The following STRN variants were observed in gnomAD, a reference collection of about 807,000 sequenced individuals.
The protein encoded by STRN is protein phosphatase 2 regulatory subunit B'''alpha.
A neutral mutation model predicts 96.3 loss-of-function variants in STRN; 53 were observed. The ratio of observed to expected loss-of-function variants is 0.55; its 90% CI spans 0.44 to 0.69. STRN has a LOEUF of 0.69. STRN is among the 30% of genes least tolerant of loss of function. The pLI, the probability that STRN is intolerant of heterozygous loss-of-function variation, is 0.00. For synonymous variants in STRN, 428 were observed against 355.9 expected, an observed-to-expected ratio of 1.20 and a Z score of -2.28; for missense variants, 987 against 963.9, an observed-to-expected ratio of 1.02 and a Z score of -0.32.
intron 1 of STRN, among the ~76,000 whole-genome samples, chr2:36,939,902 C>A (rs1670803762): frequency 6.6e-6 from 1 of 152,128 alleles, no homozygotes; most frequent in East Asian, 1.9e-4. Context: ...AAGGAATAAT[C>A]CTGAAAAGAA....
At chr2:36,963,260 C>T (rs1665072696) in intron 1 of STRN, among the ~76,000 whole-genome samples, 1 of 152,130 alleles carries the variant, frequency 6.6e-6, no homozygotes, top group Non-Finnish European at 1.5e-5. Context: ...TCTTCCCTGG[C>T]AACCTGAAAG....
Position 36,851,240 on chromosome 2 carries a change from G to A in STRN, c.1979-133C>T, listed in dbSNP as rs549260336. 199 of 608,902 alleles carry A rather than the reference G, an allele frequency of 3.3e-4. 4 individuals carry two copies. The South Asian group carries it at 3.3e-3, about 10-fold the overall frequency. 37.7% of individuals were successfully genotyped at this position (608,902 alleles called of 1,614,324 possible). A position where few individuals can be genotyped will look rare whatever the true frequency, so the allele number is the denominator to read the frequency against. On this transcript the variant is annotated intron_variant, in intron 15 of 17. Transcript: ENST00000263918. Reference sequence around the variant, plus strand: ...TGGCTCACGCCTGTAATCCAAGCACGTTGGGAGGCCAAGGTGGGTGGATCA... The same window carrying A: ...TGGCTCACGCCTGTAATCCAAGCACATTGGGAGGCCAAGGTGGGTGGATCA...
At chr2:36,880,576 G>T (rs1669043508) in intron 9 of STRN, among the ~76,000 whole-genome samples, 1 of 151,990 alleles carries the variant, frequency 6.6e-6, no homozygotes, top group Non-Finnish European at 1.5e-5. Flanking sequence ...AATAAACATA[G>T]GTTTTACCCA....
intron 1 of STRN, among the ~76,000 whole-genome samples, chr2:36,931,179 A>T (rs1285743303): frequency 2.0e-5 from 3 of 152,110 alleles, no homozygotes; most frequent in Non-Finnish European, 4.4e-5. Context: ...GGAGTCTTAT[A>T]CAGGCCTTCA....
chr2:36,922,224 A>G (rs1056958709), intron 2 of STRN, among the ~76,000 whole-genome samples: 8 of 152,180 alleles, frequency 5.3e-5, no homozygotes, highest in Non-Finnish European at 8.8e-5. Flanking sequence ...GTCATTTTAG[A>G]TAAAATTTTT....
At chr2:36,950,742 G>A (rs2148267745) in intron 1 of STRN, among the ~76,000 whole-genome samples, 1 of 152,244 alleles carries the variant, frequency 6.6e-6, no homozygotes, top group East Asian at 1.9e-4. Flanking sequence ...ATTCCACAAT[G>A]ACACATTTTA....
In STRN at chr2:36,908,292, T is replaced by C. The variant is rs187731797; in HGVS notation, c.413-2674A>G. On this transcript the variant is annotated intron_variant, in intron 3 of 17. Transcript: ENST00000263918. ...TATACTCAACTACTTCTGCCTATTT[T>C]GGCAGCCAGTGACATTACAAAAAAG... Among the ~76,000 whole-genome samples the C allele has an allele frequency of 5.3e-5, 8 of 152,330 alleles. No individual in the cohort carries two copies. The East Asian group carries it at 1.5e-3, about 29-fold the overall frequency.
In STRN at chr2:36,849,470, T is replaced by C; in HGVS notation, c.2329A>G (p.Lys777Glu). 3.1e-6 allele frequency: 5 copies of C among 1,614,104 alleles called. No individual in the cohort carries two copies. In the Middle Eastern group the frequency reaches 4.9e-4, roughly 160 times the overall value. Residue 777 changes from lysine (K) to glutamate (E), a missense_variant, in exon 18 of 18, where the codon AAA becomes GAA. By Grantham distance (56) the Lys-to-Glu change is moderately conservative (BLOSUM62 1). Coordinates refer to ENST00000263918, the MANE Select transcript of STRN (RefSeq NM_003162.4). ...IASAGADALA[K>E]VFV ...GATGCATTGCGTCATACAAAGACTT[T>C]AGCCAGTGCGTCAGCTCCAGCACTG...
chr2:36,852,363 C>A (rs536281142), intron 15 of STRN, among the ~76,000 whole-genome samples: 1 of 152,238 alleles, frequency 6.6e-6, no homozygotes, highest in African/African-American at 2.4e-5. Flanking sequence ...ATTACTGGAA[C>A]AACTCTCAAA....
intron 1 of STRN, among the ~76,000 whole-genome samples, chr2:36,961,051 C>T (rs1437698257): frequency 2.0e-5 from 3 of 150,172 alleles, no homozygotes; most frequent in East Asian, 2.0e-4. Context: ...CGCATGCCAA[C>T]GCACCCAGCT....
Position 36,849,790 on chromosome 2 carries a change from G to C in STRN, c.2097C>G (p.Ile699Met), listed in dbSNP as rs777001046. 2 of 1,614,026 alleles carry C rather than the reference G, an allele frequency of 1.2e-6. No homozygotes were observed. The highest frequency in any genetic ancestry group is 8.5e-7 in the Non-Finnish European group (1 of 1,179,966). ...KFYDNNTGKL[I>M]HSMVAHLEAV... is the part of the protein sequence containing the mutation. ...CTTCTAGGTGGGCTACCATCGAGTG[G>C]ATCAGTTTGCCTTTGGAAAAAGAGA... Residue 699 changes from isoleucine (I) to methionine (M), a missense_variant, in exon 17 of 18, where the codon ATC (isoleucine) becomes ATG (methionine). By Grantham distance (10) the Ile-to-Met change is conservative. Transcript: ENST00000263918.
Position 36,924,021 on chromosome 2 carries a change from A to C in STRN, c.338+1084T>G, listed in dbSNP as rs1013240941. Among the ~76,000 whole-genome samples the C allele has an allele frequency of 1.2e-4, 18 of 152,120 alleles. 1 individual carries two copies. The highest frequency in any genetic ancestry group is 5.9e-5 in the Non-Finnish European group (4 of 68,020). On this transcript the variant is annotated intron_variant, in intron 2 of 17. Transcript: ENST00000263918. ...ATAGAAAGGTAAGATAAGCTTCTGGAGAGATTGTAACGGCAGACAGCAGAG... is the reference window on the plus strand; with the variant it reads ...ATAGAAAGGTAAGATAAGCTTCTGGCGAGATTGTAACGGCAGACAGCAGAG...
intron 1 of STRN, among the ~76,000 whole-genome samples, chr2:36,956,606 T>C: frequency 6.6e-6 from 1 of 152,238 alleles, no homozygotes; most frequent in East Asian, 1.9e-4. Flanking sequence ...AAGGGGACTC[T>C]ATCCAGATTA....
intron 13 of STRN, 125 bp downstream of exon 13, chr2:36,861,007 T>C (rs570134035): frequency 2.6e-6 from 3 of 1,166,530 alleles, no homozygotes; most frequent in South Asian, 1.8e-5. Flanking sequence ...TTTAACAAAA[T>C]AAAGATGTGG....
chr2:36,839,384 T>C lies in STRN; in HGVS notation c.*10072A>G, dbSNP rs1667894213. 6.6e-6 allele frequency among the ~76,000 whole-genome samples: 1 copy of C among 152,186 alleles called. No individual in the cohort carries two copies. The highest frequency in any genetic ancestry group is 6.5e-5 in the Admixed American group (1 of 15,274). On this transcript the variant is annotated 3_prime_UTR_variant, in exon 18 of 18. Coordinates refer to ENST00000263918, the MANE Select transcript of STRN (RefSeq NM_003162.4). ...GTGGCATATAGCTGGCACTCAAATATTAAGGAAAGTAGTCTTCTGCTACTC... is the reference window on the plus strand; with the variant it reads ...GTGGCATATAGCTGGCACTCAAATACTAAGGAAAGTAGTCTTCTGCTACTC...
chr2:36,923,387 G>T (rs1486044683), intron 2 of STRN, among the ~76,000 whole-genome samples: 2 of 145,616 alleles, frequency 1.4e-5, no homozygotes. Context: ...GAAGGCGGAG[G>T]TTGCAGTAAG....
chr2:36,880,369 G>A (rs1669036726), intron 9 of STRN, among the ~76,000 whole-genome samples: 1 of 152,204 alleles, frequency 6.6e-6, no homozygotes, highest in Non-Finnish European at 1.5e-5. Context: ...GAGCCCAGGA[G>A]TTTGAGGCTA....
In STRN at chr2:36,894,011, G is replaced by A. The variant is rs142776055; in HGVS notation, c.818C>T (p.Pro273Leu). ...TSTIVRKKAL[P>L]DSGEDRDTKE... ...TGTATCTCGATCTTCACCGCTGTCAGGCAATGCTTTTTTCCTAACAATCTA... is the reference window on the plus strand; with the variant it reads ...TGTATCTCGATCTTCACCGCTGTCAAGCAATGCTTTTTTCCTAACAATCTA... The change falls in exon 7 of 18, where the codon CCT becomes CTT. Residue 273 changes from proline to leucine, a missense_variant. Pro to Leu is a moderately conservative substitution (Grantham distance 98). Transcript: ENST00000263918. 684 of 1,612,464 alleles carry A rather than the reference G, an allele frequency of 4.2e-4. 1 individual carries two copies. Among genetic ancestry groups the A allele is most frequent in the Non-Finnish European group, 5.5e-4 (649 of 1,179,626 alleles).
In STRN at chr2:36,893,994, G is replaced by A. The variant is rs758893821; in HGVS notation, c.835C>T (p.Arg279Ter). 6.2e-7 allele frequency: 1 copy of A among 1,613,066 alleles called. No individual in the cohort carries two copies. Among genetic ancestry groups the A allele is most frequent in the Non-Finnish European group, 8.5e-7 (1 of 1,179,668 alleles). The change falls in exon 7 of 18, where the codon CGA (arginine) becomes TGA (stop). Residue 279 changes from arginine to a stop codon, truncating the protein, a stop_gained. Transcript: ENST00000263918. LOFTEE classifies it high-confidence loss of function. ...KKALPDSGED[R>*]DTKEALKEFD... ...TCCTTTAGAGCTTCTTTTGTATCTCGATCTTCACCGCTGTCAGGCAATGCT... is the reference window on the plus strand; with the variant it reads ...TCCTTTAGAGCTTCTTTTGTATCTCAATCTTCACCGCTGTCAGGCAATGCT...
Sources: allele counts gnomAD v4.1 joint callset (sites outside exome capture counted in the v4.1 genomes callset), GRCh38; gene constraint gnomAD v4.1.1; transcripts MANE v1.5; gene names NCBI Gene and HGNC (gene_info 2026-07-23, HGNC 2026-07-21).